TRMT9B: variants seen among roughly 807,000 people sequenced by gnomAD.
TRMT9B encodes probable tRNA methyltransferase 9B.
A neutral mutation model predicts 11.5 loss-of-function variants in TRMT9B; 16 were observed. That is an observed-to-expected ratio of 1.39 (90% CI 0.94 to 2.11). The LOEUF is 2.11. Among genes scored for constraint, TRMT9B ranks in the 30% most tolerant of loss-of-function variants. TRMT9B has a pLI of 0.00. For synonymous variants in TRMT9B, 274 were observed against 192.4 expected, an observed-to-expected ratio of 1.42 and a Z score of -3.51; for missense variants, 941 against 553.8, an observed-to-expected ratio of 1.70 and a Z score of -7.02.
chr8:13,015,591 C>A (rs1302083399), intron 4 of TRMT9B, among the ~76,000 whole-genome samples: 2 of 152,260 alleles, frequency 1.3e-5, no homozygotes, highest in Non-Finnish European at 2.9e-5. Context: ...AGGGCTCAAC[C>A]AGTCCACCTG....
At chr8:12,997,966 T>C (rs575649937) in intron 2 of TRMT9B, among the ~76,000 whole-genome samples, 7 of 152,322 alleles carry the variant, frequency 4.6e-5, no homozygotes, top group Admixed American at 3.3e-4. Flanking sequence ...TGGGATCCTA[T>C]TGTGGCTTAA....
chr8:12,989,096 A>G (rs1338462818), intron 1 of TRMT9B, among the ~76,000 whole-genome samples: 3 of 151,936 alleles, frequency 2.0e-5, no homozygotes, highest in Non-Finnish European at 2.9e-5. Flanking sequence ...TTTTTCAAAA[A>G]TCTGGCTTTG....
chr8:12,976,714 A>G (rs1037694044), intron 1 of TRMT9B, among the ~76,000 whole-genome samples: 5 of 152,224 alleles, frequency 3.3e-5, no homozygotes, highest in African/African-American at 1.2e-4. Context: ...AGGTTAAGAA[A>G]ACTAACCAGG....
chr8:13,002,511 T>C (rs1375102804), intron 2 of TRMT9B, among the ~76,000 whole-genome samples: 1 of 152,210 alleles, frequency 6.6e-6, no homozygotes, highest in African/African-American at 2.4e-5. Flanking sequence ...TGGGTGGAAG[T>C]TTAGTCAGAC....
chr8:12,959,673 C>G (rs988244982), intron 1 of TRMT9B, among the ~76,000 whole-genome samples: 3 of 151,876 alleles, frequency 2.0e-5, no homozygotes, highest in African/African-American at 4.8e-5. Context: ...GTTCACGCCA[C>G]TACACCTAGC....
At chr8:12,980,713 C>T (rs758352031) in intron 1 of TRMT9B, among the ~76,000 whole-genome samples, 21 of 152,234 alleles carry the variant, frequency 1.4e-4, no homozygotes, top group Non-Finnish European at 1.9e-4. Flanking sequence ...AGAAAAGCTT[C>T]GTGACACAAG....
chr8:13,021,280 G>A lies in TRMT9B; in HGVS notation c.601G>A (p.Val201Ile), dbSNP rs768391962. ...TCCTTGCTCTGAGTGTAGCTGTTCT[G>A]TTTGTTTTAAAGAGCAGTGTGGTTC... ...HPPCSECSCSVCFKEQCGSKR... is the reference protein window; with the variant it reads ...HPPCSECSCSICFKEQCGSKR... Residue 201 changes from valine to isoleucine, a missense_variant, in exon 5 of 5, where the codon GTT becomes ATT. Coordinates refer to ENST00000524591, the MANE Select transcript of TRMT9B (RefSeq NM_020844.3). 2.5e-6 allele frequency: 4 copies of A among 1,613,984 alleles called. No homozygotes were observed. Among genetic ancestry groups the A allele is most frequent in the Non-Finnish European group, 3.4e-6 (4 of 1,179,868 alleles).
rs576149095 is a variant in TRMT9B, at chr8:12,974,453, A to T, written c.-199-16381A>T. Among the ~76,000 whole-genome samples the T allele has an allele frequency of 3.9e-5, 6 of 152,276 alleles. No homozygotes were observed. The South Asian group carries it at 1.0e-3, about 26-fold the overall frequency. ...GTGACCTGGAGAGCATTTACTTACT[A>T]TTGAAATTTATGAAAAATCTGTGGG... On this transcript the variant is annotated intron_variant, in intron 1 of 4. Transcript: ENST00000524591.
chr8:12,946,078 G>A (rs887977050), intron 1 of TRMT9B, 112 bp downstream of exon 1: 2 of 152,180 alleles, frequency 1.3e-5, no homozygotes, highest in African/African-American at 4.8e-5. Flanking sequence ...TATCTTATCT[G>A]TTTTGCTCCC....
intron 1 of TRMT9B, among the ~76,000 whole-genome samples, chr8:12,969,638 C>A (rs2954172): frequency 0.034 from 5,086 of 151,278 alleles, 105 homozygotes; most frequent in African/African-American, 0.053. Context: ...AATATTTTTT[C>A]TTTTTTAAAA....
chr8:12,991,055 C>T (rs890038086), intron 2 of TRMT9B, 24 bp downstream of exon 2: 1 of 1,146,592 alleles, frequency 8.7e-7, no homozygotes, highest in Admixed American at 3.1e-5. Context: ...AGCGCTTCTG[C>T]AACTCACATA....
chr8:12,949,314 A>C (rs1357687069), intron 1 of TRMT9B, among the ~76,000 whole-genome samples: 2 of 151,998 alleles, frequency 1.3e-5, no homozygotes, highest in East Asian at 1.9e-4. Flanking sequence ...AATGCAATAA[A>C]CCCCCATGTG....
At chr8:13,016,092 G>A (rs1217635005) in intron 4 of TRMT9B, among the ~76,000 whole-genome samples, 1 of 143,136 alleles carries the variant, frequency 7.0e-6, no homozygotes, top group African/African-American at 2.7e-5. Context: ...AAAATCATAT[G>A]GGTATATATA....
chr8:12,993,883 G>A (rs1177064818), intron 2 of TRMT9B, among the ~76,000 whole-genome samples: 1 of 152,162 alleles, frequency 6.6e-6, no homozygotes, highest in Admixed American at 6.5e-5. Context: ...GGATTTGTTG[G>A]GAGTGCCTAA....
intron 2 of TRMT9B, among the ~76,000 whole-genome samples, chr8:12,999,321 G>GAAAA (rs554434283): frequency 7.9e-6 from 1 of 127,086 alleles, no homozygotes; most frequent in Admixed American, 7.9e-5. Context: ...AAAAAGAAAA[G>GAAAA]AAAAAAAAAA....
intron 1 of TRMT9B, among the ~76,000 whole-genome samples, chr8:12,959,358 C>G (rs1801739409): frequency 6.6e-6 from 1 of 152,076 alleles, no homozygotes. Flanking sequence ...ACAATTATTT[C>G]AAAAGATTGT....
intron 1 of TRMT9B, among the ~76,000 whole-genome samples, chr8:12,985,946 C>T (rs1806223088): frequency 2.6e-5 from 4 of 152,158 alleles, no homozygotes; most frequent in African/African-American, 4.8e-5. Flanking sequence ...CTGCAACCTC[C>T]GCCTCCCAGG....
chr8:13,011,208 A>G (rs903199155), intron 3 of TRMT9B: 47 of 655,032 alleles, frequency 7.2e-5, no homozygotes, highest in Non-Finnish European at 8.7e-5. Context: ...CTGGTCTCGA[A>G]CTCCTGCCCT....
At chr8:12,994,780 C>T (rs1377600440) in intron 2 of TRMT9B, among the ~76,000 whole-genome samples, 1 of 152,194 alleles carries the variant, frequency 6.6e-6, no homozygotes. Flanking sequence ...CTTTCGGGTT[C>T]AAGCAATTCT....
Sources: allele counts gnomAD v4.1 joint callset (sites outside exome capture counted in the v4.1 genomes callset), GRCh38; gene constraint gnomAD v4.1.1; transcripts MANE v1.5; gene names NCBI Gene and HGNC (gene_info 2026-07-23, HGNC 2026-07-21).